The following MAP3K7 variants were observed in gnomAD, a reference collection of about 807,000 sequenced individuals.
The protein encoded by MAP3K7 is TGF-beta activated kinase 1.
In MAP3K7, 21 loss-of-function variants were observed where a neutral mutation model predicts 84.8. The ratio of observed to expected loss-of-function variants is 0.25; its 90% CI spans 0.18 to 0.36. The LOEUF (loss-of-function observed/expected upper bound fraction) is 0.36. Among genes scored for constraint, MAP3K7 ranks in the 10% least tolerant of loss-of-function variants. MAP3K7 has a pLI of 1.00. For missense variants in MAP3K7, 503 were observed against 747.7 expected (o/e 0.67, Z 3.82); for synonymous variants, 241 against 247.7 (o/e 0.97, Z 0.25).
At chr6:90,567,794 C>T (rs570322323) in intron 3 of MAP3K7, among the ~76,000 whole-genome samples, 59 of 152,254 alleles carry the variant, frequency 3.9e-4, no homozygotes, top group Non-Finnish European at 8.2e-4. Flanking sequence ...TTCACAATAG[C>T]AAAGACTTGG....
intron 12 of MAP3K7, 31 bp from the exon 13 acceptor site, chr6:90,536,432 A>G: frequency 6.4e-7 from 1 of 1,556,120 alleles, no homozygotes; most frequent in Non-Finnish European, 8.9e-7. Flanking sequence ...GTAAAATACT[A>G]AAATCTAGTC....
chr6:90,586,894 G>C lies in MAP3K7; in HGVS notation c.-11C>G. 2.5e-6 allele frequency: 4 copies of C among 1,600,788 alleles called. No homozygotes were observed. Among genetic ancestry groups the C allele is most frequent in the South Asian group, 1.1e-5 (1 of 90,514 alleles). ...AGAGGCTGTAGACATGATCCCTCGC[G>C]GCGCCCGGTGGGGCCGGGAACGGTG... On this transcript the variant is annotated 5_prime_UTR_variant, in exon 1 of 17. Transcript: ENST00000369329.
intron 1 of MAP3K7, among the ~76,000 whole-genome samples, chr6:90,579,272 T>C (rs1039838186): frequency 2.0e-5 from 3 of 152,170 alleles, no homozygotes; most frequent in African/African-American, 4.8e-5. Flanking sequence ...AAGAGTGAAG[T>C]TGGGTTAATA....
At chr6:90,516,763 G>A (rs1774976424) in intron 16 of MAP3K7, 82 bp from the exon 17 acceptor site, 2 of 1,134,192 alleles carry the variant, frequency 1.8e-6, no homozygotes, top group Non-Finnish European at 1.3e-6. Flanking sequence ...CAATTAATGA[G>A]AATTTTTATT....
intron 14 of MAP3K7, among the ~76,000 whole-genome samples, chr6:90,521,050 G>T (rs1027911222): frequency 1.3e-5 from 2 of 151,932 alleles, no homozygotes; most frequent in African/African-American, 4.8e-5. Flanking sequence ...TCTGGGAGCA[G>T]AAAAAAAGTC....
chr6:90,548,091 T>C lies in MAP3K7; in HGVS notation c.1036A>G (p.Lys346Glu). 1 of 1,611,972 alleles carries C rather than the reference T, an allele frequency of 6.2e-7. No individual in the cohort carries two copies. The highest frequency in any genetic ancestry group is 1.7e-5 in the Admixed American group (1 of 59,788). Reference protein sequence around the residue: ...EQVPATNDTIKRLESKLLKNQ... With the variant: ...EQVPATNDTIERLESKLLKNQ... The stretch of plus-strand genomic sequence containing the variant: ...TTCAACAATTTTGATTCTAAGCGCT[T>C]AATAGTATCATTTGTGGCAGGAACT... The change falls in exon 10 of 17, where the codon AAG (lysine) becomes GAG (glutamate). Residue 346 changes from lysine to glutamate, a missense_variant. Physicochemically the swap from Lys to Glu is moderately conservative, Grantham distance 56 (BLOSUM62 1). Transcript: ENST00000369329.
chr6:90,538,667 C>T (rs1775754117), intron 12 of MAP3K7, among the ~76,000 whole-genome samples: 1 of 151,794 alleles, frequency 6.6e-6, no homozygotes, highest in African/African-American at 2.4e-5. Context: ...AAATAGAAAG[C>T]AACTTAGGGG....
At chr6:90,577,960 T>C (rs192403953) in intron 1 of MAP3K7, among the ~76,000 whole-genome samples, 14 of 152,330 alleles carry the variant, frequency 9.2e-5, no homozygotes, top group Admixed American at 3.9e-4. Flanking sequence ...TTTATATTAT[T>C]TGTGGAAGCT....
intron 12 of MAP3K7, among the ~76,000 whole-genome samples, chr6:90,540,359 T>C (rs974497438): frequency 2.0e-5 from 3 of 151,898 alleles, no homozygotes; most frequent in Admixed American, 2.0e-4. Context: ...ATAGAATGGA[T>C]GGTTTTCAAG....
intron 3 of MAP3K7, among the ~76,000 whole-genome samples, chr6:90,568,026 A>C (rs185631974): frequency 1.3e-5 from 2 of 152,300 alleles, no homozygotes; most frequent in African/African-American, 4.8e-5. Context: ...GAACACTTGG[A>C]CACAGGAAGG....
chr6:90,522,022 G>A (rs539974564), intron 14 of MAP3K7, among the ~76,000 whole-genome samples: 1 of 152,108 alleles, frequency 6.6e-6, no homozygotes, highest in South Asian at 2.1e-4. Flanking sequence ...TATTAGCTTG[G>A]TTATCAATAT....
At chr6:90,529,982 A>G (rs1161173086) in intron 13 of MAP3K7, among the ~76,000 whole-genome samples, 2 of 152,214 alleles carry the variant, frequency 1.3e-5, no homozygotes, top group Non-Finnish European at 2.9e-5. Context: ...TAACAACGAC[A>G]TACACCAAAG....
At chr6:90,554,697 G>C (rs937694633) in intron 6 of MAP3K7, among the ~76,000 whole-genome samples, 13 of 152,054 alleles carry the variant, frequency 8.5e-5, no homozygotes, top group African/African-American at 3.1e-4. Context: ...TTAATCTTTT[G>C]TATAAACAAA....
At chr6:90,559,603 C>G (rs1278468419) in intron 5 of MAP3K7, among the ~76,000 whole-genome samples, 1 of 152,048 alleles carries the variant, frequency 6.6e-6, no homozygotes, top group Non-Finnish European at 1.5e-5. Context: ...TATGAAGAAT[C>G]CAGAATATTT....
At chr6:90,531,435 T>C (rs964043912) in intron 13 of MAP3K7, among the ~76,000 whole-genome samples, 8 of 152,182 alleles carry the variant, frequency 5.3e-5, no homozygotes, top group South Asian at 2.1e-4. Context: ...CTCAATAATA[T>C]AAATATTTTT....
At chr6:90,564,662 G>A (rs1248361481) in intron 3 of MAP3K7, among the ~76,000 whole-genome samples, 1 of 152,102 alleles carries the variant, frequency 6.6e-6, no homozygotes, top group East Asian at 1.9e-4. Context: ...ACAAATTAAC[G>A]AGACAGAAAG....
rs35419196 is a variant in MAP3K7, at chr6:90,550,622, T to C, written c.868-73A>G. ...TTAAATCCTGATTAATGTTTTATTT[T>C]CCCTAAGTTATATACTAAATTTGTA... On this transcript the variant is annotated intron_variant, in intron 8 of 16. Coordinates refer to ENST00000369329, the MANE Select transcript of MAP3K7 (RefSeq NM_145331.3). The C allele has an allele frequency of 5.2e-3, 4,910 of 938,960 alleles. 166 individuals carry two copies. The African/African-American group carries it at 0.072, about 14-fold the overall frequency. The allele number at this position is 938,960 out of a possible 1,614,324, so 58.2% of individuals were successfully genotyped here.
intron 12 of MAP3K7, among the ~76,000 whole-genome samples, chr6:90,539,194 A>C (rs1418521829): frequency 2.6e-5 from 4 of 151,870 alleles, no homozygotes; most frequent in Non-Finnish European, 1.5e-5. Context: ...TGGCTCTTTC[A>C]CTGGAAAGGT....
At chr6:90,552,655 C>T (rs1050077811) in intron 7 of MAP3K7, among the ~76,000 whole-genome samples, 2 of 152,112 alleles carry the variant, frequency 1.3e-5, no homozygotes, top group Admixed American at 6.6e-5. Context: ...CTAAGAGTGG[C>T]GCTAAAATTA....
Sources: gnomAD v4.1 joint callset for allele counts (sites outside exome capture counted in the v4.1 genomes callset) on GRCh38, gnomAD v4.1.1 for gene constraint, MANE v1.5 for transcripts, NCBI Gene and HGNC (gene_info 2026-07-23, HGNC 2026-07-21) for gene names.